The following AK5 variants were observed in gnomAD, a reference collection of about 807,000 sequenced individuals.
AK5 encodes the protein adenylate kinase 5, also known as adenylate kinase isoenzyme 5.
Under a neutral mutation model 69.5 loss-of-function variants are expected in AK5, and 27 were observed. The observed-to-expected ratio is 0.39, with a 90% CI of 0.29 to 0.54. The LOEUF is 0.54. AK5 is among the 20% of genes least tolerant of loss of function. The pLI, the probability that AK5 is intolerant of heterozygous loss-of-function variation, is 0.71. For missense variants in AK5, 531 were observed against 700.4 expected (o/e 0.76, Z 2.73); for synonymous variants, 260 against 244.4 (o/e 1.06, Z -0.60).
chr1:77,332,208 T>C (rs1432630009), intron 5 of AK5, among the ~76,000 whole-genome samples: 1 of 152,146 alleles, frequency 6.6e-6, no homozygotes, highest in Non-Finnish European at 1.5e-5. Context: ...GAGATTCATT[T>C]ATTTTTATTT....
At chr1:77,328,172 T>C (rs1163682733) in intron 5 of AK5, among the ~76,000 whole-genome samples, 2 of 152,172 alleles carry the variant, frequency 1.3e-5, no homozygotes, top group Non-Finnish European at 2.9e-5. Context: ...AACTTTACAT[T>C]CATTTCCTTA....
chr1:77,558,951 T>TAGTC lies in AK5; in HGVS notation c.*285_*288dup, dbSNP rs1441815269. On this transcript the variant is annotated 3_prime_UTR_variant, in exon 14 of 14. Coordinates refer to ENST00000354567, the MANE Select transcript of AK5 (RefSeq NM_174858.3). ...GTATCATGCAGGCCACACTCAGAGC[T>TAGTC]AGTCAGTACATGAACAGTGGTGCGG... is the stretch of plus-strand genomic sequence containing the variant. The TAGTC allele has an allele frequency of 1.2e-5, 4 of 333,288 alleles. No homozygotes were observed. Among genetic ancestry groups the TAGTC allele is most frequent in the South Asian group, 3.9e-5 (1 of 25,840 alleles). The allele number at this position is 333,288 out of a possible 1,614,324, so 20.6% of individuals were successfully genotyped here. A position where few individuals can be genotyped will look rare whatever the true frequency, so the allele number is the denominator to read the frequency against.
intron 12 of AK5, among the ~76,000 whole-genome samples, chr1:77,534,112 C>A (rs1484346283): frequency 6.6e-6 from 1 of 152,148 alleles, no homozygotes; most frequent in Non-Finnish European, 1.5e-5. Flanking sequence ...TGGCAACTCA[C>A]GATATTACGA....
intron 12 of AK5, among the ~76,000 whole-genome samples, chr1:77,525,869 A>G (rs1468648956): frequency 6.6e-6 from 1 of 152,156 alleles, no homozygotes; most frequent in Non-Finnish European, 1.5e-5. Flanking sequence ...TAAGTTTTGA[A>G]ATCAGGAAGT....
intron 6 of AK5, 64 bp from the exon 7 acceptor site, chr1:77,410,917 A>G: frequency 7.8e-7 from 1 of 1,282,914 alleles, no homozygotes. Context: ...TGCTCATTAT[A>G]TTTTTGAATT....
chr1:77,307,697 G>A (rs1397681185), intron 5 of AK5, among the ~76,000 whole-genome samples: 7 of 152,176 alleles, frequency 4.6e-5, no homozygotes, highest in Non-Finnish European at 8.8e-5. Flanking sequence ...AATGCTGAAA[G>A]TGAGGTGTTG....
At chr1:77,470,227 G>C (rs1042678291) in intron 8 of AK5, among the ~76,000 whole-genome samples, 1 of 152,150 alleles carries the variant, frequency 6.6e-6, no homozygotes, top group African/African-American at 2.4e-5. Flanking sequence ...ATCCCTGGCC[G>C]GGCGCAGTGG....
At chr1:77,533,509 CAAAAAAAAAAAA>C (rs10526328) in intron 12 of AK5, among the ~76,000 whole-genome samples, 2 of 94,970 alleles carry the variant, frequency 2.1e-5, no homozygotes, top group African/African-American at 1.0e-4. Context: ...ACTCTGTCAC[CAAAAAAAAAAAA>C]AAAAAAAAAA....
intron 13 of AK5, among the ~76,000 whole-genome samples, chr1:77,556,512 A>G (rs894794927): frequency 5.3e-5 from 8 of 152,160 alleles, no homozygotes; most frequent in Admixed American, 2.0e-4. Flanking sequence ...TTATATGACT[A>G]TGTCACAATT....
intron 8 of AK5, among the ~76,000 whole-genome samples, chr1:77,418,388 A>G (rs1014261653): frequency 1.3e-5 from 2 of 152,174 alleles, no homozygotes; most frequent in African/African-American, 4.8e-5. Context: ...CCCTCTCACA[A>G]CATGTGGGAA....
At chr1:77,340,696 A>G in intron 6 of AK5, 128 bp downstream of exon 6, 1 of 610,872 alleles carries the variant, frequency 1.6e-6, no homozygotes, top group Non-Finnish European at 2.5e-6. Flanking sequence ...GAACCAATGG[A>G]AAAAAATGTA....
intron 8 of AK5, 78 bp from the exon 9 acceptor site, chr1:77,483,239 C>A: frequency 2.0e-6 from 2 of 1,018,772 alleles, no homozygotes; most frequent in South Asian, 1.3e-5. Flanking sequence ...TTAGGAAGTT[C>A]AAGTAGGCCA....
intron 8 of AK5, among the ~76,000 whole-genome samples, chr1:77,482,969 G>A: frequency 8.8e-6 from 1 of 113,232 alleles, no homozygotes. Context: ...CAGCCTTCCT[G>A]TCCACAGATA....
intron 5 of AK5, among the ~76,000 whole-genome samples, chr1:77,303,258 G>A (rs1659443019): frequency 6.6e-6 from 1 of 152,032 alleles, no homozygotes. Flanking sequence ...TTGGTCACAG[G>A]ACCTCTTTAC....
chr1:77,329,772 C>T (rs1660991848), intron 5 of AK5, among the ~76,000 whole-genome samples: 1 of 152,158 alleles, frequency 6.6e-6, no homozygotes, highest in African/African-American at 2.4e-5. Flanking sequence ...CTGACCAAAG[C>T]CTCCTCCAAT....
At position 77,483,309 on chromosome 1, in the gene AK5, T is replaced by C. The variant is rs1367024275; in HGVS notation, c.1060-8T>C. ...TATTATTATCTAATATTGTGATTTT[T>C]TTAACAGGGTGATGACCAGTTAAAT... is the stretch of plus-strand genomic sequence containing the variant. On this transcript the variant is annotated splice_polypyrimidine_tract_variant and splice_region_variant and intron_variant, in intron 8 of 13. Coordinates refer to ENST00000354567, the MANE Select transcript of AK5 (RefSeq NM_174858.3). 2 of 1,609,280 alleles carry C rather than the reference T, an allele frequency of 1.2e-6. No homozygotes were observed. Among genetic ancestry groups the C allele is most frequent in the Non-Finnish European group, 1.7e-6 (2 of 1,175,560 alleles).
intron 6 of AK5, among the ~76,000 whole-genome samples, chr1:77,358,605 A>C (rs1430636458): frequency 6.6e-6 from 1 of 152,216 alleles, no homozygotes; most frequent in African/African-American, 2.4e-5. Context: ...TAAGGAAAAA[A>C]GTAGAGGCTT....
At chr1:77,368,232 TA>T (rs1300994869) in intron 6 of AK5, among the ~76,000 whole-genome samples, 7 of 26,904 alleles carry the variant, frequency 2.6e-4, no homozygotes, top group East Asian at 0.031. Context: ...TATATATATA[TA>T]TATATATATA....
Position 77,558,887 on chromosome 1 carries a change from A to G in AK5, c.*217A>G. On this transcript the variant is annotated 3_prime_UTR_variant, in exon 14 of 14. Transcript: ENST00000354567. Reference sequence around the variant, plus strand: ...GGGACTATATCAACCTATTCTCCACACTTCAGACAACTGTCTGCACTCACG... The same window carrying G: ...GGGACTATATCAACCTATTCTCCACGCTTCAGACAACTGTCTGCACTCACG... 2.0e-6 allele frequency: 1 copy of G among 506,986 alleles called. No individual in the cohort carries two copies. Among genetic ancestry groups the G allele is most frequent in the Non-Finnish European group, 3.6e-6 (1 of 277,258 alleles). The allele number at this position is 506,986 out of a possible 1,614,324, so 31.4% of individuals were successfully genotyped here.
Sources: gnomAD v4.1 joint callset for allele counts (sites outside exome capture counted in the v4.1 genomes callset) on GRCh38, gnomAD v4.1.1 for gene constraint, MANE v1.5 for transcripts, NCBI Gene and HGNC (gene_info 2026-07-23, HGNC 2026-07-21) for gene names.